The following ZNF689 variants were observed in gnomAD, a reference collection of about 807,000 sequenced individuals.
ZNF689 encodes zinc finger protein 689, also known as short ORF-encoded histone-binding protein.
In ZNF689, 14 loss-of-function variants were observed where a neutral mutation model predicts 37.2. The ratio of observed to expected loss-of-function variants is 0.38; its 90% confidence interval spans 0.25 to 0.59. ZNF689 has a LOEUF of 0.59. ZNF689 is among the 20% of genes least tolerant of loss of function. The probability of loss-of-function intolerance (pLI) is 0.68; values close to 1 mark genes in which losing one functional copy is unlikely to be tolerated. For synonymous variants in ZNF689, 277 were observed against 283.3 expected, an observed-to-expected ratio of 0.98 and a Z score of 0.22; for missense variants, 573 against 700.2, an observed-to-expected ratio of 0.82 and a Z score of 2.05.
rs1356259713 is a variant in ZNF689, at chr16:30,604,030, A to G, written c.*234T>C. On this transcript the variant is annotated 3_prime_UTR_variant, in exon 3 of 3. Coordinates refer to ENST00000287461, the MANE Select transcript of ZNF689 (RefSeq NM_138447.3). This position sits in a 1 kb window ranked among gnomAD's most constrained non-coding sequence, Gnocchi z 5.2. ...TTTAGCCCTGATATCCACACAAACT[A>G]TTTTAGGATAGGGTAGCTTGGAAAA... is the stretch of plus-strand genomic sequence containing the variant. 2 of 685,402 alleles carry G rather than the reference A, an allele frequency of 2.9e-6. No individual in the cohort carries two copies. The highest frequency in any genetic ancestry group is 1.5e-5 in the South Asian group (1 of 66,622). The allele number at this position is 685,402 out of a possible 1,614,324, so 42.5% of individuals were successfully genotyped here.
chr16:30,606,366 C>T (rs895656593), intron 2 of ZNF689, among the ~76,000 whole-genome samples: 9 of 152,206 alleles, frequency 5.9e-5, no homozygotes, highest in African/African-American at 1.9e-4. Context: ...CACCTTTTTC[C>T]AATCTACCTT....
chr16:30,604,209 T>G lies in ZNF689; in HGVS notation c.*55A>C. ...CCCTGTATGACCTGGGGCTCCTCCT[T>G]CCCTTTTCTGGGACCCTCCATAAAA... On this transcript the variant is annotated 3_prime_UTR_variant, in exon 3 of 3. Transcript: ENST00000287461. This position sits in a 1 kb window ranked among gnomAD's most constrained non-coding sequence, Gnocchi z 5.2. The G allele has an allele frequency of 1.9e-6, 3 of 1,595,778 alleles. No individual in the cohort carries two copies. Among genetic ancestry groups the G allele is most frequent in the Non-Finnish European group, 2.6e-6 (3 of 1,165,442 alleles).
intron 2 of ZNF689, among the ~76,000 whole-genome samples, chr16:30,607,697 C>T (rs1010289184): frequency 2.0e-5 from 3 of 151,976 alleles, no homozygotes; most frequent in Non-Finnish European, 4.4e-5. Flanking sequence ...AGGCTGGGCG[C>T]GGTGGCTTAC....
upstream of ZNF689, chr16:30,610,411 G>C (rs557887616): frequency 4.5e-6 from 1 of 223,998 alleles, no homozygotes; most frequent in Non-Finnish European, 8.9e-6. Context: ...GCTTCACGCC[G>C]TCTTTTTTCC....
Position 30,604,747 on chromosome 16 carries a change from A to G in ZNF689, c.1020T>C (p.Ser340=), listed in dbSNP as rs776795409. 3 of 1,605,926 alleles carry G rather than the reference A, an allele frequency of 1.9e-6. No homozygotes were observed. Among genetic ancestry groups the G allele is most frequent in the Admixed American group, 3.4e-5 (2 of 59,676 alleles). ...GCTCGCAGGCATAGGGACGCTCCCC[A>G]GAGTGCACACGCCGGTGACTGACCA... ...SRLVSHRRVH[S]GERPYACEHC... The change falls in exon 3 of 3, where the codon TCT becomes TCC. Residue 340 remains serine, a synonymous_variant. Transcript: ENST00000287461. This position sits in a 1 kb window ranked among gnomAD's most constrained non-coding sequence, Gnocchi z 5.2.
rs886307069 is a variant in ZNF689 at position 30,603,914 on chromosome 16, G to A, written c.*350C>T. ...GAGTAGGGGAAGGTCCTGCCCCTAT[G>A]AGATTCTCCTGATTGCATGCAAGAT... On this transcript the variant is annotated 3_prime_UTR_variant, in exon 3 of 3. Transcript: ENST00000287461. 10 of 406,254 alleles carry A rather than the reference G, an allele frequency of 2.5e-5. No individual in the cohort carries two copies. Among genetic ancestry groups the A allele is most frequent in the African/African-American group, 4.1e-5 (2 of 48,662 alleles). 25.2% of individuals were successfully genotyped at this position (406,254 alleles called of 1,614,324 possible). A position where few individuals can be genotyped will look rare whatever the true frequency, so the allele number is the denominator to read the frequency against.
At position 30,604,558 on chromosome 16, in the gene ZNF689, GCAGGCGTGCAGC is replaced by G. The variant is rs757003261; in HGVS notation, c.1197_1208del (p.Lys399_Cys403delinsAsn). 6.3e-7 allele frequency: 1 copy of G among 1,588,000 alleles called. No homozygotes were observed. The highest frequency in any genetic ancestry group is 2.3e-5 in the East Asian group (1 of 43,434). On this transcript the variant is annotated inframe_deletion, in exon 3 of 3. Transcript: ENST00000287461. The surrounding 1 kb of genome is among the most constrained non-coding windows in gnomAD (Gnocchi z 5.2). ...AGGCAAAGCGGCGACCACAGTCGTC[GCAGGCGTGCAGC>G]TTCTCCTCTGTGTGCGTGCTGCGAT...
Position 30,609,932 on chromosome 16 carries a change from T to C in ZNF689, c.110A>G (p.Tyr37Cys). The C allele has an allele frequency of 1.2e-6, 2 of 1,612,752 alleles. No homozygotes were observed. The highest frequency in any genetic ancestry group is 2.2e-5 in the East Asian group (1 of 44,834). Residue 37 changes from tyrosine (Y) to cysteine (C), a missense_variant, in exon 1 of 3, where the codon TAC (tyrosine) becomes TGC (cysteine). By Grantham distance (194) the Tyr-to-Cys change is radical. Around this residue, in one of 3 missense-constraint regions of ZNF689, gnomAD observed 252 missense variants for 313.3 expected, o/e 0.80. Coordinates refer to ENST00000287461, the MANE Select transcript of ZNF689 (RefSeq NM_138447.3). ...GCAGCCCCACTCCTCCGGGGAGAAGTACACGGCCACGTCCACGAACTTCAG... is the reference window on the plus strand; with the variant it reads ...GCAGCCCCACTCCTCCGGGGAGAAGCACACGGCCACGTCCACGAACTTCAG... ...RALKFVDVAV[Y>C]FSPEEWGCLR...
At position 30,605,338 on chromosome 16, in the gene ZNF689, C is replaced by T. The variant is rs1200537224; in HGVS notation, c.429G>A (p.Arg143=). ...GGCAGATGGGGCCCCCGGACGTCTGCCTAGGAATCAGTCGGGGTTTGCTGG... is the reference window on the plus strand; with the variant it reads ...GGCAGATGGGGCCCCCGGACGTCTGTCTAGGAATCAGTCGGGGTTTGCTGG... The part of the protein sequence containing the change: ...RRPSKPRLIP[R]QTSGGPICPD... The change falls in exon 3 of 3, where the codon AGG becomes AGA. Residue 143 remains arginine, a synonymous_variant. Coordinates refer to ENST00000287461, the MANE Select transcript of ZNF689 (RefSeq NM_138447.3). The surrounding 1 kb of genome is among the most constrained non-coding windows in gnomAD (Gnocchi z 5.1). 1.2e-6 allele frequency: 2 copies of T among 1,613,488 alleles called. No individual in the cohort carries two copies. Among genetic ancestry groups the T allele is most frequent in the Admixed American group, 3.3e-5 (2 of 59,890 alleles).
Position 30,610,358 on chromosome 16 carries a change from T to G in ZNF689, c.-317A>C. ...TTATTGACCGGAGCGCCATGCCGGCTTCCTAACCTCTTTGCCCTCAAGTGT... is the reference window on the plus strand; with the variant it reads ...TTATTGACCGGAGCGCCATGCCGGCGTCCTAACCTCTTTGCCCTCAAGTGT... On this transcript the variant is annotated 5_prime_UTR_variant, in exon 1 of 3. Transcript: ENST00000287461. The G allele has an allele frequency of 2.7e-6, 1 of 365,324 alleles. No homozygotes were observed. Among genetic ancestry groups the G allele is most frequent in the Non-Finnish European group, 5.0e-6 (1 of 200,066 alleles). The allele number at this position is 365,324 out of a possible 1,614,324, so 22.6% of individuals were successfully genotyped here. A position where few individuals can be genotyped will look rare whatever the true frequency, so the allele number is the denominator to read the frequency against.
intron 2 of ZNF689, among the ~76,000 whole-genome samples, chr16:30,607,416 C>T: frequency 6.6e-6 from 1 of 150,930 alleles, no homozygotes; most frequent in South Asian, 2.1e-4. Context: ...CATGGTGAAA[C>T]CCCGTCTCTA....
chr16:30,604,837 G>C lies in ZNF689; in HGVS notation c.930C>G (p.Ile310Met). ...ACGGGTAGGGCTTCTCGCCCGTGTG[G>C]ATGCGCTGGTGGATGACGAGGGCCG... is the stretch of plus-strand genomic sequence containing the variant. ...QRTALVIHQR[I>M]HTGEKPYPCP... is the part of the protein sequence containing the mutation. Residue 310 changes from isoleucine to methionine, a missense_variant, in exon 3 of 3, where the codon ATC becomes ATG. Around this residue, in one of 3 missense-constraint regions of ZNF689, gnomAD observed 317 missense variants for 367.1 expected, o/e 0.86. Transcript: ENST00000287461. This position sits in a 1 kb window ranked among gnomAD's most constrained non-coding sequence, Gnocchi z 5.2. The C allele has an allele frequency of 6.2e-7, 1 of 1,603,096 alleles. No homozygotes were observed. The highest frequency in any genetic ancestry group is 8.5e-7 in the Non-Finnish European group (1 of 1,174,498).
chr16:30,610,137 G>C lies in ZNF689; in HGVS notation c.-96C>G, dbSNP rs767408643. On this transcript the variant is annotated 5_prime_UTR_variant, in exon 1 of 3. Transcript: ENST00000287461. ...GATCGAGGAGCCCCTGCCGGACCAG[G>C]GCTGAGCGTGGCCGGGGAGGCCCGG... is the stretch of plus-strand genomic sequence containing the variant. The C allele has an allele frequency of 5.8e-6, 8 of 1,389,980 alleles. No individual in the cohort carries two copies. The highest frequency in any genetic ancestry group is 7.6e-6 in the Non-Finnish European group (8 of 1,048,320). The allele number at this position is 1,389,980 out of a possible 1,614,324, so 86.1% of individuals were successfully genotyped here. A position where few individuals can be genotyped will look rare whatever the true frequency, so the allele number is the denominator to read the frequency against.
chr16:30,603,575 G>A lies in ZNF689; in HGVS notation c.*689C>T, dbSNP rs560189384. 25 of 155,248 alleles carry A rather than the reference G, an allele frequency of 1.6e-4. No individual in the cohort carries two copies. The highest frequency in any genetic ancestry group is 3.4e-4 in the Non-Finnish European group (24 of 70,104). 9.6% of individuals were successfully genotyped at this position (155,248 alleles called of 1,614,324 possible). Reference sequence around the variant, plus strand: ...CAGTGCCTGTTTGCAGAGATCATGTGTGGAAATTGAAACCCTGTCTTTAAG... The same window carrying A: ...CAGTGCCTGTTTGCAGAGATCATGTATGGAAATTGAAACCCTGTCTTTAAG... On this transcript the variant is annotated 3_prime_UTR_variant, in exon 3 of 3. Coordinates refer to ENST00000287461, the MANE Select transcript of ZNF689 (RefSeq NM_138447.3).
Position 30,603,904 on chromosome 16 carries a change from C to T in ZNF689, c.*360G>A, listed in dbSNP as rs1262537394. 5.1e-6 allele frequency: 2 copies of T among 394,112 alleles called. No individual in the cohort carries two copies. Among genetic ancestry groups the T allele is most frequent in the African/African-American group, 4.1e-5 (2 of 48,196 alleles). 24.4% of individuals were successfully genotyped at this position (394,112 alleles called of 1,614,324 possible). A position where few individuals can be genotyped will look rare whatever the true frequency, so the allele number is the denominator to read the frequency against. ...GGAAGAGGCAGAGTAGGGGAAGGTC[C>T]TGCCCCTATGAGATTCTCCTGATTG... is the stretch of plus-strand genomic sequence containing the variant. On this transcript the variant is annotated 3_prime_UTR_variant, in exon 3 of 3. Transcript: ENST00000287461.
chr16:30,610,335 A>C lies in ZNF689; in HGVS notation c.-294T>G. The stretch of plus-strand genomic sequence containing the variant: ...CAGGCAGCTTCCAGCTATCGATTTT[A>C]TTGACCGGAGCGCCATGCCGGCTTC... On this transcript the variant is annotated 5_prime_UTR_variant, in exon 1 of 3. Coordinates refer to ENST00000287461, the MANE Select transcript of ZNF689 (RefSeq NM_138447.3). The C allele has an allele frequency of 2.4e-6, 1 of 421,064 alleles. No individual in the cohort carries two copies. Among genetic ancestry groups the C allele is most frequent in the Non-Finnish European group, 4.3e-6 (1 of 234,134 alleles). The allele number at this position is 421,064 out of a possible 1,614,324, so 26.1% of individuals were successfully genotyped here. A position where few individuals can be genotyped will look rare whatever the true frequency, so the allele number is the denominator to read the frequency against.
chr16:30,607,192 T>C (rs1270949954), intron 2 of ZNF689, among the ~76,000 whole-genome samples: 1 of 128,690 alleles, frequency 7.8e-6, no homozygotes, highest in East Asian at 2.2e-4. Context: ...GAGGTTGCAG[T>C]GAGCCAAGAT....
At chr16:30,607,150 G>C (rs965254845) in intron 2 of ZNF689, among the ~76,000 whole-genome samples, 4 of 147,432 alleles carry the variant, frequency 2.7e-5, no homozygotes, top group Admixed American at 6.9e-5. Flanking sequence ...CCCAGAGGCT[G>C]AGGTGGGAGA....
At position 30,604,725 on chromosome 16, in the gene ZNF689, C is replaced by G; in HGVS notation, c.1042G>C (p.Glu348Gln). The G allele has an allele frequency of 6.2e-7, 1 of 1,605,974 alleles. No homozygotes were observed. The highest frequency in any genetic ancestry group is 8.5e-7 in the Non-Finnish European group (1 of 1,177,462). Residue 348 changes from glutamate (E) to glutamine (Q), a missense_variant, in exon 3 of 3, where the codon GAG becomes CAG. Transcript: ENST00000287461. The surrounding 1 kb of genome is among the most constrained non-coding windows in gnomAD (Gnocchi z 5.2). ...TGGGAGAAGCGGGCCTCACAGTGCTCGCAGGCATAGGGACGCTCCCCAGAG... is the reference window on the plus strand; with the variant it reads ...TGGGAGAAGCGGGCCTCACAGTGCTGGCAGGCATAGGGACGCTCCCCAGAG... Reference protein sequence around the residue: ...VHSGERPYACEHCEARFSQRS... With the variant: ...VHSGERPYACQHCEARFSQRS...
Sources: allele counts gnomAD v4.1 joint callset (sites outside exome capture counted in the v4.1 genomes callset), GRCh38; gene constraint gnomAD v4.1.1; regional missense constraint gnomAD v4.1.1; non-coding constraint Gnocchi (gnomAD v3.1); transcripts MANE v1.5; gene names NCBI Gene and HGNC (gene_info 2026-07-23, HGNC 2026-07-21).